Variants in SFMBT2 observed in about 807,000 individuals in gnomAD.
SFMBT2 encodes scm-like with four MBT domains protein 2.
A neutral mutation model predicts 110.1 loss-of-function variants in SFMBT2; 38 were observed. The ratio of observed to expected loss-of-function variants is 0.35; its 90% CI spans 0.27 to 0.45. The LOEUF (loss-of-function observed/expected upper bound fraction) is 0.45, where lower values mean the gene tolerates loss of function less well. Among genes scored for constraint, SFMBT2 ranks in the 20% least tolerant of loss-of-function variants. The pLI is 1.00. For synonymous variants in SFMBT2, 425 were observed against 425.4 expected (o/e 1.00, Z 0.01); for missense variants, 1,011 against 1,094.9 (o/e 0.92, Z 1.08).
intron 4 of SFMBT2, among the ~76,000 whole-genome samples, chr10:7,340,873 G>A (rs907304003): frequency 4.8e-4 from 73 of 151,218 alleles, no homozygotes; most frequent in Non-Finnish European, 9.1e-4. Context: ...AAACTGCAGG[G>A]ATTCTTTGGG....
rs1011900656 is a variant in SFMBT2, at chr10:7,163,187, C to T, written c.*583G>A. 1.9e-5 allele frequency: 3 copies of T among 161,372 alleles called. No individual in the cohort carries two copies. The highest frequency in any genetic ancestry group is 7.2e-5 in the African/African-American group (3 of 41,558). The allele number at this position is 161,372 out of a possible 1,614,324, so 10.0% of individuals were successfully genotyped here. A position where few individuals can be genotyped will look rare whatever the true frequency, so the allele number is the denominator to read the frequency against. On this transcript the variant is annotated 3_prime_UTR_variant, in exon 21 of 21. Coordinates refer to ENST00000397167, the MANE Select transcript of SFMBT2 (RefSeq NM_001387889.1). This position sits in a 1 kb window ranked among gnomAD's most constrained non-coding sequence, Gnocchi z 4.8. ...ATGGAGATGCCTGCCGGCCTTCCTTCACTCCCCGTATTCCTAAAAGGCACC... is the reference window on the plus strand; with the variant it reads ...ATGGAGATGCCTGCCGGCCTTCCTTTACTCCCCGTATTCCTAAAAGGCACC...
At chr10:7,364,856 T>C (rs1381582206) in intron 4 of SFMBT2, among the ~76,000 whole-genome samples, 1 of 152,136 alleles carries the variant, frequency 6.6e-6, no homozygotes, top group Non-Finnish European at 1.5e-5. Flanking sequence ...GCGTGCAGAG[T>C]TGGGGATGGG....
chr10:7,384,973 C>G (rs1845548859), intron 1 of SFMBT2, among the ~76,000 whole-genome samples: 1 of 152,226 alleles, frequency 6.6e-6, no homozygotes, highest in Non-Finnish European at 1.5e-5. Context: ...GAGCTGCACA[C>G]AGCAGAGGAA....
rs1348648268 is a variant in SFMBT2 at position 7,172,941 on chromosome 10, G to A, written c.1985-280C>T. ...GAACCCCCAAAGTGAGTGTACAAGG[G>A]TGGGGCCCTAATCCAATAGGACATT... On this transcript the variant is annotated intron_variant, in intron 17 of 20. Coordinates refer to ENST00000397167, the MANE Select transcript of SFMBT2 (RefSeq NM_001387889.1). This position sits in a 1 kb window ranked among gnomAD's most constrained non-coding sequence, Gnocchi z 4.6. Among the ~76,000 whole-genome samples, 1 of 152,128 alleles carries A rather than the reference G, an allele frequency of 6.6e-6. No homozygotes were observed. The highest frequency in any genetic ancestry group is 1.5e-5 in the Non-Finnish European group (1 of 68,028).
intron 4 of SFMBT2, among the ~76,000 whole-genome samples, chr10:7,355,791 G>A (rs1290694066): frequency 2.6e-5 from 4 of 152,106 alleles, no homozygotes; most frequent in South Asian, 4.1e-4. Flanking sequence ...CAGCCTGGGC[G>A]ACAAGGTGCA....
chr10:7,190,056 C>T (rs141109976), intron 15 of SFMBT2, among the ~76,000 whole-genome samples: 160 of 152,302 alleles, frequency 1.1e-3, no homozygotes, highest in African/African-American at 2.0e-3. Flanking sequence ...CTTTACACTA[C>T]GCGGTCAGCC....
chr10:7,347,932 T>G (rs1057187639), intron 4 of SFMBT2, among the ~76,000 whole-genome samples: 1 of 152,196 alleles, frequency 6.6e-6, no homozygotes, highest in Non-Finnish European at 1.5e-5. Context: ...CTTACAAATC[T>G]AAAGATCCAT....
intron 1 of SFMBT2, among the ~76,000 whole-genome samples, chr10:7,395,020 T>C (rs1011685828): frequency 2.6e-5 from 4 of 152,108 alleles, no homozygotes; most frequent in East Asian, 3.9e-4. Flanking sequence ...TGTAGGTGGG[T>C]AGAGAATGCT....
chr10:7,264,955 A>C (rs1330975918), intron 7 of SFMBT2, among the ~76,000 whole-genome samples: 1 of 151,870 alleles, frequency 6.6e-6, no homozygotes, highest in Non-Finnish European at 1.5e-5. Context: ...AAAAAAAAAA[A>C]ACTTACATAA....
Position 7,197,565 on chromosome 10 carries a change from C to T in SFMBT2, c.1681G>A (p.Val561Met), listed in dbSNP as rs145231461. Residue 561 changes from valine (V) to methionine (M), a missense_variant, in exon 15 of 21, where the codon GTG (valine) becomes ATG (methionine). Transcript: ENST00000397167. ...LPQSVGPGKC[V>M]LVLKEVLSMI... ...GGCTTTACCTCTTTAAGAACCAGCACGCATTTGCCCGGTCCCACCGACTGA... is the reference window on the plus strand; with the variant it reads ...GGCTTTACCTCTTTAAGAACCAGCATGCATTTGCCCGGTCCCACCGACTGA... 3.3e-5 allele frequency: 54 copies of T among 1,614,034 alleles called. No homozygotes were observed. The highest frequency in any genetic ancestry group is 1.5e-4 in the Admixed American group (9 of 60,004).
intron 16 of SFMBT2, among the ~76,000 whole-genome samples, chr10:7,183,846 A>C (rs1276659905): frequency 6.6e-6 from 1 of 152,148 alleles, no homozygotes; most frequent in African/African-American, 2.4e-5. Context: ...CCTTTCCCGT[A>C]CTGAGTTGGA....
chr10:7,377,960 TG>T (rs568885194), intron 2 of SFMBT2, among the ~76,000 whole-genome samples: 12 of 42,206 alleles, frequency 2.8e-4, no homozygotes, highest in African/African-American at 1.1e-3. Flanking sequence ...AAATTTTGTG[TG>T]GGGGGGGGTT....
At chr10:7,286,207 C>T (rs759535906) in intron 4 of SFMBT2, 1 of 155,690 alleles carries the variant, frequency 6.4e-6, no homozygotes, top group Non-Finnish European at 1.4e-5. Flanking sequence ...AGTCTTACAG[C>T]CTATTTAGAA....
Position 7,172,654 on chromosome 10 carries a change from G to A in SFMBT2, c.1992C>T (p.Tyr664=), listed in dbSNP as rs1588763684. The stretch of plus-strand genomic sequence containing the variant: ...TGGAGATCTTCTTTCTCTTTCCATA[G>A]TAATAGGCTGTAGGAAGGAAGATGA... ...SIHTKTKYTY[Y]YGKRKKISKP... The change falls in exon 18 of 21, where the codon TAC becomes TAT. Residue 664 remains tyrosine (Y), a synonymous_variant. Coordinates refer to ENST00000397167, the MANE Select transcript of SFMBT2 (RefSeq NM_001387889.1). This position sits in a 1 kb window ranked among gnomAD's most constrained non-coding sequence, Gnocchi z 4.6. 6.2e-7 allele frequency: 1 copy of A among 1,613,294 alleles called. No individual in the cohort carries two copies. The highest frequency in any genetic ancestry group is 1.1e-5 in the South Asian group (1 of 90,958).
In SFMBT2 at chr10:7,250,571, T is replaced by C. The variant is rs530443831; in HGVS notation, c.871-1922A>G. Among the ~76,000 whole-genome samples the C allele has an allele frequency of 2.0e-5, 3 of 152,294 alleles. No homozygotes were observed. The South Asian group carries it at 6.2e-4, about 32-fold the overall frequency. On this transcript the variant is annotated intron_variant, in intron 7 of 20. Transcript: ENST00000397167. ...TGTGTGAGTGCTTGTGTCTTTTTGA[T>C]AGAATGATGTGTTTCCCTTTGGGTA...
At chr10:7,296,982 C>T (rs916938561) in intron 4 of SFMBT2, among the ~76,000 whole-genome samples, 1 of 152,206 alleles carries the variant, frequency 6.6e-6, no homozygotes, top group Non-Finnish European at 1.5e-5. Context: ...CCCTGAGTCC[C>T]CTGCCTGCTG....
At chr10:7,370,432 T>C (rs1282474053) in intron 2 of SFMBT2, 57 bp from the exon 3 acceptor site, 2 of 1,434,722 alleles carry the variant, frequency 1.4e-6, no homozygotes, top group African/African-American at 1.4e-5. Flanking sequence ...AGAAAGGTGC[T>C]GGCCTGCAAC....
intron 4 of SFMBT2, among the ~76,000 whole-genome samples, chr10:7,330,003 C>A (rs1843517311): frequency 6.6e-6 from 1 of 152,162 alleles, no homozygotes; most frequent in Non-Finnish European, 1.5e-5. Context: ...GCCTCAGAAA[C>A]CCCTGAAGAA....
intron 6 of SFMBT2, among the ~76,000 whole-genome samples, chr10:7,278,930 C>G (rs1841861496): frequency 1.3e-5 from 2 of 151,674 alleles, no homozygotes; most frequent in African/African-American, 4.8e-5. Flanking sequence ...TTTAAAAAAA[C>G]AAAACAAAAC....
Sources: allele counts gnomAD v4.1 joint callset (sites outside exome capture counted in the v4.1 genomes callset), GRCh38; gene constraint gnomAD v4.1.1; non-coding constraint Gnocchi (gnomAD v3.1); transcripts MANE v1.5; gene names NCBI Gene and HGNC (gene_info 2026-07-23, HGNC 2026-07-21).